The following ALK variants were observed in gnomAD, a reference collection of about 807,000 sequenced individuals.
The protein encoded by ALK is ALK tyrosine kinase receptor.
In ALK, 74 loss-of-function variants were observed where a neutral mutation model predicts 163.1. That is an observed-to-expected ratio of 0.45 (90% CI 0.38 to 0.55). ALK has a LOEUF of 0.55. Ranked by LOEUF, ALK falls within the 20% of genes least tolerant of loss-of-function variation. ALK has a pLI of 0.00. For missense variants in ALK, 2,063 were observed against 2,105.3 expected (o/e 0.98, Z 0.39); for synonymous variants, 960 against 843.2 (o/e 1.14, Z -2.40).
At chr2:29,677,107 T>A (rs920516694) in intron 3 of ALK, among the ~76,000 whole-genome samples, 42 of 151,924 alleles carry the variant, frequency 2.8e-4, no homozygotes, top group Admixed American at 2.7e-3. Context: ...TCCTTTCCAA[T>A]CTGTATATCT....
intron 5 of ALK, among the ~76,000 whole-genome samples, chr2:29,350,358 G>A (rs1668080349): frequency 6.6e-6 from 1 of 152,246 alleles, no homozygotes; most frequent in South Asian, 2.1e-4. Flanking sequence ...CCAGACATTT[G>A]TTGTGGCCAG....
intron 3 of ALK, among the ~76,000 whole-genome samples, chr2:29,686,679 T>C (rs767555503): frequency 6.6e-6 from 1 of 152,314 alleles, no homozygotes; most frequent in South Asian, 2.1e-4. Context: ...TATCTCCCTG[T>C]GGGCAGACCC....
chr2:29,380,158 T>C (rs956743236), intron 5 of ALK, among the ~76,000 whole-genome samples: 3 of 147,450 alleles, frequency 2.0e-5, no homozygotes, highest in African/African-American at 7.6e-5. Context: ...CAGGCTGGAG[T>C]GCACTGGCAC....
chr2:29,591,341 G>T (rs968552825), intron 3 of ALK, among the ~76,000 whole-genome samples: 1 of 152,126 alleles, frequency 6.6e-6, no homozygotes, highest in Non-Finnish European at 1.5e-5. Context: ...ATTTAAAGCT[G>T]CTCTTGAATT....
chr2:29,548,704 T>C (rs1376117014), intron 3 of ALK, among the ~76,000 whole-genome samples: 4 of 152,188 alleles, frequency 2.6e-5, no homozygotes, highest in East Asian at 1.9e-4. Context: ...CAATGCCAAG[T>C]ACAGTGTTTC....
intron 4 of ALK, among the ~76,000 whole-genome samples, chr2:29,389,482 T>A (rs995344757): frequency 1.1e-4 from 17 of 152,306 alleles, no homozygotes; most frequent in Non-Finnish European, 2.5e-4. Flanking sequence ...GGTGCCAATG[T>A]TTTTCATTGG....
intron 4 of ALK, among the ~76,000 whole-genome samples, chr2:29,424,257 C>T (rs1189333917): frequency 6.6e-6 from 1 of 152,090 alleles, no homozygotes; most frequent in Non-Finnish European, 1.5e-5. Context: ...GCTTATCTAA[C>T]CTGACTTTCT....
Position 29,296,905 on chromosome 2 carries a change from G to A in ALK, c.1800C>T (p.Leu600=), listed in dbSNP as rs779990542. 3 of 1,614,184 alleles carry A rather than the reference G, an allele frequency of 1.9e-6. No individual in the cohort carries two copies. Among genetic ancestry groups the A allele is most frequent in the South Asian group, 1.1e-5 (1 of 91,080 alleles). The change falls in exon 9 of 29, where the codon CTC becomes CTT. Residue 600 remains leucine (L), a synonymous_variant. Coordinates refer to ENST00000389048, the MANE Select transcript of ALK (RefSeq NM_004304.5). ...GAGCCTACCTGTCAGACACATCGAG[G>A]AGAGGCAACACCATCCACTGCCACA... The part of the protein sequence containing the change: ...LSLWQWMVLP[L]LDVSDRFWLQ...
chr2:29,449,982 A>G (rs945992005), intron 4 of ALK, among the ~76,000 whole-genome samples: 1 of 152,204 alleles, frequency 6.6e-6, no homozygotes, highest in African/African-American at 2.4e-5. Context: ...GTGTGGGCAC[A>G]TGGCATTGGA....
chr2:29,322,922 G>A (rs1049749900), intron 6 of ALK, among the ~76,000 whole-genome samples: 2 of 152,300 alleles, frequency 1.3e-5, no homozygotes, highest in South Asian at 2.1e-4. Flanking sequence ...GAGGAAGGAG[G>A]AGGCCGGCCT....
chr2:29,427,937 C>T lies in ALK; in HGVS notation c.1155-44078G>A, dbSNP rs185929622. 1.2e-4 allele frequency among the ~76,000 whole-genome samples: 19 copies of T among 152,036 alleles called. No individual in the cohort carries two copies. The East Asian group carries it at 3.5e-3, about 28-fold the overall frequency. On this transcript the variant is annotated intron_variant, in intron 4 of 28. Coordinates refer to ENST00000389048, the MANE Select transcript of ALK (RefSeq NM_004304.5). ...AAATCATACAAATTATTTTCTCTGA[C>T]CATAATAGAATAAAATTAGAAATCA...
intron 4 of ALK, among the ~76,000 whole-genome samples, chr2:29,468,497 T>G (rs1171588170): frequency 6.6e-6 from 1 of 152,062 alleles, no homozygotes; most frequent in Non-Finnish European, 1.5e-5. Flanking sequence ...GAGCCCATAA[T>G]AAGTTCATGA....
In ALK at chr2:29,205,865, C is replaced by T. The variant is rs577187840; in HGVS notation, c.3938+1306G>A. ...GGGATTAGGACCTGATACCCTCGGGCGGCCATTACTCAGCCCACTGCACCT... is the reference window on the plus strand; with the variant it reads ...GGGATTAGGACCTGATACCCTCGGGTGGCCATTACTCAGCCCACTGCACCT... On this transcript the variant is annotated intron_variant, in intron 26 of 28. Transcript: ENST00000389048. 7.2e-5 allele frequency among the ~76,000 whole-genome samples: 11 copies of T among 152,298 alleles called. 1 individual carries two copies. The highest frequency in any genetic ancestry group is 5.8e-4 in the East Asian group (3 of 5,188).
At chr2:29,532,139 A>C in intron 3 of ALK, 23 bp from the exon 4 acceptor site, 2 of 1,610,400 alleles carry the variant, frequency 1.2e-6, no homozygotes, top group Non-Finnish European at 1.7e-6. Context: ...AGGGAAAACG[A>C]ATCTGCAGAT....
At chr2:29,388,441 T>C (rs1406607219) in intron 4 of ALK, among the ~76,000 whole-genome samples, 1 of 152,212 alleles carries the variant, frequency 6.6e-6, no homozygotes, top group African/African-American at 2.4e-5. Flanking sequence ...CTTTCTGAGA[T>C]GGTTTTAGCT....
In ALK at chr2:29,220,807, A is replaced by C; in HGVS notation, c.3544T>G (p.Cys1182Gly). 1 of 1,614,156 alleles carries C rather than the reference A, an allele frequency of 6.2e-7. No individual in the cohort carries two copies. Among genetic ancestry groups the C allele is most frequent in the Middle Eastern group, 1.7e-4 (1 of 6,060 alleles). Residue 1182 changes from cysteine (C) to glycine (G), a missense_variant, in exon 23 of 29, where the codon TGC (cysteine) becomes GGC (glycine). Coordinates refer to ENST00000389048, the MANE Select transcript of ALK (RefSeq NM_004304.5). Reference sequence around the variant, plus strand: ...AGGGATTGCAGGCTCACCCCAATGCAGCGAACAATGTTCTGGTGGTTGAAT... The same window carrying C: ...AGGGATTGCAGGCTCACCCCAATGCCGCGAACAATGTTCTGGTGGTTGAAT... ...SKFNHQNIVR[C>G]IGVSLQSLPR...
rs534308895 is a variant in ALK at position 29,817,691 on chromosome 2, C to T, written c.668-99994G>A. ...CGTCCCTCCCTTCCTCCATTCCTCT[C>T]TTCCTCCCTTTATACATACCACTGT... is the stretch of plus-strand genomic sequence containing the variant. On this transcript the variant is annotated intron_variant, in intron 1 of 28. Coordinates refer to ENST00000389048, the MANE Select transcript of ALK (RefSeq NM_004304.5). 1.3e-4 allele frequency among the ~76,000 whole-genome samples: 20 copies of T among 152,346 alleles called. No individual in the cohort carries two copies. In the South Asian group the frequency reaches 4.1e-3, roughly 32 times the overall value.
At chr2:29,209,643 C>G (rs949889454) in intron 25 of ALK, 143 bp downstream of exon 25, 3 of 646,794 alleles carry the variant, frequency 4.6e-6, no homozygotes, top group Non-Finnish European at 8.2e-6. Flanking sequence ...TTTCCCATAG[C>G]CTGAAAAGGA....
intron 1 of ALK, among the ~76,000 whole-genome samples, chr2:29,741,159 G>C (rs56029713): frequency 1.4e-3 from 213 of 152,272 alleles, no homozygotes; most frequent in African/African-American, 5.0e-3. Flanking sequence ...GAAAACTATG[G>C]AGGAAAAAGA....
Sources: gnomAD v4.1 joint callset for allele counts (sites outside exome capture counted in the v4.1 genomes callset) on GRCh38, gnomAD v4.1.1 for gene constraint, MANE v1.5 for transcripts, NCBI Gene and HGNC (gene_info 2026-07-23, HGNC 2026-07-21) for gene names.